PDE7B: variants seen among roughly 807,000 people sequenced by gnomAD.
The protein encoded by PDE7B is phosphodiesterase 7B.
In PDE7B, 29 loss-of-function variants were observed where a neutral mutation model predicts 56.2. That is an observed-to-expected ratio of 0.52 (90% CI 0.38 to 0.70). The LOEUF is 0.70. Among genes scored for constraint, PDE7B ranks in the 30% least tolerant of loss-of-function variants. The pLI is 0.00. For missense variants in PDE7B, 490 were observed against 565.0 expected (o/e 0.87, Z 1.35); for synonymous variants, 197 against 196.9 (o/e 1.00, Z 0.00).
chr6:136,024,334 G>A (rs1213583707), intron 2 of PDE7B, among the ~76,000 whole-genome samples: 5 of 152,172 alleles, frequency 3.3e-5, no homozygotes, highest in Admixed American at 2.6e-4. Flanking sequence ...GCCTCCAGGG[G>A]CTAGAATTCA....
At chr6:136,004,568 CAG>C (rs1249624369) in intron 2 of PDE7B, among the ~76,000 whole-genome samples, 1 of 151,644 alleles carries the variant, frequency 6.6e-6, no homozygotes, top group Non-Finnish European at 1.5e-5. Flanking sequence ...AACAGACAAA[CAG>C]AGAGCCAAAT....
chr6:135,902,922 G>A (rs912435568), intron 1 of PDE7B, among the ~76,000 whole-genome samples: 5 of 152,142 alleles, frequency 3.3e-5, no homozygotes, highest in Non-Finnish European at 7.3e-5. Flanking sequence ...CTACTGATTA[G>A]GAAACAGGAT....
At chr6:136,170,011 C>G (rs1385400980) in intron 8 of PDE7B, among the ~76,000 whole-genome samples, 1 of 152,070 alleles carries the variant, frequency 6.6e-6, no homozygotes, top group Non-Finnish European at 1.5e-5. Context: ...CATAACAAAG[C>G]CTTGGAGATA....
intron 1 of PDE7B, among the ~76,000 whole-genome samples, chr6:135,937,385 G>A (rs1398700440): frequency 2.0e-5 from 3 of 152,076 alleles, no homozygotes; most frequent in Non-Finnish European, 2.9e-5. Flanking sequence ...CCAGCCTTGC[G>A]TCTCTCCACT....
At chr6:136,055,893 T>C (rs1189691785) in intron 2 of PDE7B, among the ~76,000 whole-genome samples, 1 of 152,202 alleles carries the variant, frequency 6.6e-6, no homozygotes, top group African/African-American at 2.4e-5. Context: ...AACAAGCTTC[T>C]TTCTTTGTAT....
At chr6:136,037,747 C>T (rs1178874153) in intron 2 of PDE7B, 16 of 985,332 alleles carry the variant, frequency 1.6e-5, no homozygotes, top group Non-Finnish European at 1.6e-5. Flanking sequence ...GGGGAAGCCC[C>T]GCTTCTTTGC....
At chr6:135,933,267 TTACTTTGTGTG>T (rs1472395379) in intron 1 of PDE7B, among the ~76,000 whole-genome samples, 1 of 152,250 alleles carries the variant, frequency 6.6e-6, no homozygotes, top group Non-Finnish European at 1.5e-5. Context: ...ATATATGTGT[TTACTTTGTGTG>T]TACACACACA....
intron 2 of PDE7B, among the ~76,000 whole-genome samples, chr6:136,099,536 G>A (rs1481157421): frequency 1.3e-5 from 2 of 152,186 alleles, no homozygotes; most frequent in African/African-American, 2.4e-5. Flanking sequence ...GTGATGATGA[G>A]CATTTTTTCA....
intron 2 of PDE7B, among the ~76,000 whole-genome samples, chr6:135,961,054 TAG>T (rs772208821): frequency 3.9e-5 from 6 of 152,120 alleles, no homozygotes; most frequent in Non-Finnish European, 5.9e-5. Context: ...TACAAAATGG[TAG>T]AGTTTGGTCA....
chr6:136,186,128 A>G (rs1019566900), intron 11 of PDE7B, among the ~76,000 whole-genome samples: 2 of 152,014 alleles, frequency 1.3e-5, no homozygotes, highest in Non-Finnish European at 2.9e-5. Context: ...AAAAAAAAAC[A>G]TTTTGAGCTG....
intron 3 of PDE7B, among the ~76,000 whole-genome samples, chr6:136,110,282 C>T (rs908331545): frequency 6.6e-6 from 1 of 152,144 alleles, no homozygotes; most frequent in Non-Finnish European, 1.5e-5. Flanking sequence ...GTCTCTCTGA[C>T]CTTTCCTTAT....
chr6:136,086,726 G>A (rs994124016), intron 2 of PDE7B, among the ~76,000 whole-genome samples: 1 of 152,154 alleles, frequency 6.6e-6, no homozygotes, highest in African/African-American at 2.4e-5. Flanking sequence ...TTTGGCTAAG[G>A]ATTAATGATG....
intron 8 of PDE7B, among the ~76,000 whole-genome samples, chr6:136,169,175 G>C (rs1432006278): frequency 6.6e-6 from 1 of 152,138 alleles, no homozygotes; most frequent in Non-Finnish European, 1.5e-5. Flanking sequence ...GGCATGGAAA[G>C]TGCCTGGCAC....
intron 1 of PDE7B, among the ~76,000 whole-genome samples, chr6:135,872,736 T>C (rs1241123561): frequency 7.9e-5 from 12 of 152,216 alleles, no homozygotes; most frequent in Non-Finnish European, 1.3e-4. Context: ...AAGTCTATTA[T>C]GGAAATTTTG....
At chr6:136,000,188 A>G (rs1775639692) in intron 2 of PDE7B, among the ~76,000 whole-genome samples, 1 of 152,082 alleles carries the variant, frequency 6.6e-6, no homozygotes, top group Non-Finnish European at 1.5e-5. Context: ...GTTTTCTCCC[A>G]TTCTGTAGGT....
chr6:136,041,341 T>A (rs17065239), intron 2 of PDE7B, among the ~76,000 whole-genome samples: 1 of 146,670 alleles, frequency 6.8e-6, no homozygotes, highest in African/African-American at 2.4e-5. Context: ...ATAAAAAAAA[T>A]ATGGGAACAT....
chr6:136,107,470 T>C (rs960322174), intron 2 of PDE7B, among the ~76,000 whole-genome samples: 4 of 152,108 alleles, frequency 2.6e-5, no homozygotes, highest in African/African-American at 9.7e-5. Flanking sequence ...TAGAATCCAC[T>C]AAGTACCAGA....
At chr6:136,068,075 ACT>A (rs1776976513) in intron 2 of PDE7B, among the ~76,000 whole-genome samples, 1 of 152,148 alleles carries the variant, frequency 6.6e-6, no homozygotes, top group African/African-American at 2.4e-5. Context: ...AAGAGTTAAG[ACT>A]CTGTAAAATA....
At chr6:135,874,545 G>A (rs1022702914) in intron 1 of PDE7B, among the ~76,000 whole-genome samples, 1 of 151,994 alleles carries the variant, frequency 6.6e-6, no homozygotes, top group African/African-American at 2.4e-5. Context: ...AGGAGATTGC[G>A]GTCTTTTATT....
Sources: allele counts gnomAD v4.1 joint callset (sites outside exome capture counted in the v4.1 genomes callset), GRCh38; gene constraint gnomAD v4.1.1; transcripts MANE v1.5; gene names NCBI Gene and HGNC (gene_info 2026-07-23, HGNC 2026-07-21).